EIF4G3: variants seen among roughly 807,000 people sequenced by gnomAD.
EIF4G3 encodes eukaryotic translation initiation factor 4 gamma 3.
EIF4G3 carries 34 observed loss-of-function variants against 186.4 expected under a neutral mutation model. The observed-to-expected ratio is 0.18, with a 90% CI of 0.14 to 0.24. The LOEUF (loss-of-function observed/expected upper bound fraction) is 0.24, where lower values mean the gene tolerates loss of function less well. Ranked by LOEUF, EIF4G3 falls within the 10% of genes least tolerant of loss-of-function variation. The pLI, the probability that EIF4G3 is intolerant of heterozygous loss-of-function variation, is 1.00. For synonymous variants in EIF4G3, 673 were observed against 679.5 expected, an observed-to-expected ratio of 0.99 and a Z score of 0.15; for missense variants, 1,536 against 1,948.5, an observed-to-expected ratio of 0.79 and a Z score of 3.99.
Position 20,937,055 on chromosome 1 carries a change from G to A in EIF4G3, c.1663+4436C>T, listed in dbSNP as rs989281855. Among the ~76,000 whole-genome samples the A allele has an allele frequency of 2.0e-5, 3 of 152,156 alleles. No individual in the cohort carries two copies. The East Asian group carries it at 5.8e-4, about 29-fold the overall frequency. On this transcript the variant is annotated intron_variant, in intron 14 of 36. Transcript: ENST00000602326. ...GCCAGTCTCTATAACCAATGAATTT[G>A]TATTTTTAACACCCATAAGAAAAGA...
At chr1:21,060,844 C>T (rs2094868710) in intron 3 of EIF4G3, among the ~76,000 whole-genome samples, 1 of 150,752 alleles carries the variant, frequency 6.6e-6, no homozygotes, top group Admixed American at 6.6e-5. Flanking sequence ...CTAATGGTGG[C>T]TTAGAACACG....
At chr1:21,052,925 T>C (rs1205013484) in intron 3 of EIF4G3, among the ~76,000 whole-genome samples, 23 of 152,290 alleles carry the variant, frequency 1.5e-4, no homozygotes, top group African/African-American at 5.0e-4. Flanking sequence ...TGATCTCGGC[T>C]CGCTACAACC....
At chr1:21,057,725 A>G (rs1192053259) in intron 3 of EIF4G3, among the ~76,000 whole-genome samples, 1 of 152,182 alleles carries the variant, frequency 6.6e-6, no homozygotes, top group Non-Finnish European at 1.5e-5. Context: ...AAAAACAAGC[A>G]AACTACTAAC....
intron 6 of EIF4G3, among the ~76,000 whole-genome samples, chr1:21,000,420 C>A (rs1027287485): frequency 2.0e-5 from 3 of 152,024 alleles, no homozygotes; most frequent in Non-Finnish European, 4.4e-5. Context: ...ATGGAGTAAG[C>A]TTTAGCTGCT....
intron 36 of EIF4G3, among the ~76,000 whole-genome samples, chr1:20,807,745 CTTTT>C (rs956986705): frequency 7.8e-6 from 1 of 127,450 alleles, no homozygotes; most frequent in African/African-American, 2.9e-5. Context: ...ACAATTTGAA[CTTTT>C]TTTCTGTTTT....
rs10627733 is a variant in EIF4G3, at chr1:21,141,377, T to TTGTGTGTGTGTGTGTGTGTGTG, written c.-272+34797_-272+34798insCACACACACACACACACACACA. On this transcript the variant is annotated intron_variant, in intron 2 of 36. Coordinates refer to ENST00000602326, the MANE Select transcript of EIF4G3 (RefSeq NM_001391906.1). ...TCTATTTGAGAAAAATATTTTTTCTTTGTGTGTGTGTGTGTGTGTGTATGT... is the reference window on the plus strand; with the variant it reads ...TCTATTTGAGAAAAATATTTTTTCTTTGTGTGTGTGTGTGTGTGTGTGTGTGTGTGTGTGTGTGTGTGTATGT... Among the ~76,000 whole-genome samples the TTGTGTGTGTGTGTGTGTGTGTG allele has an allele frequency of 1.1e-3, 164 of 145,232 alleles. 1 individual carries two copies. Among genetic ancestry groups the TTGTGTGTGTGTGTGTGTGTGTG allele is most frequent in the Non-Finnish European group, 1.8e-3 (118 of 66,696 alleles).
chr1:21,139,860 A>G (rs982778604), intron 2 of EIF4G3, among the ~76,000 whole-genome samples: 8 of 152,158 alleles, frequency 5.3e-5, no homozygotes, highest in African/African-American at 1.9e-4. Context: ...ACTGGTCTAT[A>G]TAATTTAAAC....
intron 2 of EIF4G3, among the ~76,000 whole-genome samples, chr1:21,104,194 G>T (rs571018188): frequency 6.6e-6 from 1 of 152,234 alleles, no homozygotes; most frequent in African/African-American, 2.4e-5. Context: ...TCATGAGCAG[G>T]AAAGTGGTAC....
intron 3 of EIF4G3, among the ~76,000 whole-genome samples, chr1:21,060,990 A>G (rs2094882607): frequency 6.6e-6 from 1 of 152,146 alleles, no homozygotes; most frequent in African/African-American, 2.4e-5. Context: ...TACATCAGTA[A>G]AAGAGACTAA....
chr1:21,056,124 T>C (rs986949053), intron 3 of EIF4G3, among the ~76,000 whole-genome samples: 3 of 152,196 alleles, frequency 2.0e-5, no homozygotes, highest in African/African-American at 7.2e-5. Flanking sequence ...TTCAGGGGTA[T>C]ATCCCTATGG....
intron 4 of EIF4G3, among the ~76,000 whole-genome samples, chr1:21,022,771 GTC>G (rs2091043776): frequency 6.6e-6 from 1 of 152,196 alleles, no homozygotes; most frequent in Admixed American, 6.5e-5. Flanking sequence ...AAAAAACCAA[GTC>G]TCTCCAGTTG....
At chr1:21,133,032 C>A (rs2097181221) in intron 2 of EIF4G3, among the ~76,000 whole-genome samples, 1 of 152,200 alleles carries the variant, frequency 6.6e-6, no homozygotes, top group Admixed American at 6.5e-5. Context: ...GATCCACCCA[C>A]CTCGGCCTCC....
At chr1:21,176,647 CTGCCGGTCTCCG>C (rs1427886138) in intron 1 of EIF4G3, 63 bp downstream of exon 1, 1 of 450,936 alleles carries the variant, frequency 2.2e-6, no homozygotes, top group Non-Finnish European at 4.0e-6. Flanking sequence ...GCACCACCGG[CTGCCGGTCTCCG>C]TGACAACGCG....
At chr1:20,812,663 T>A (rs1389840973) in intron 35 of EIF4G3, among the ~76,000 whole-genome samples, 1 of 152,196 alleles carries the variant, frequency 6.6e-6, no homozygotes, top group Admixed American at 6.5e-5. Context: ...CCTATCAATA[T>A]TAACAATTCA....
In EIF4G3 at chr1:20,932,837, C is replaced by T. The variant is rs150026317; in HGVS notation, c.1663+8654G>A. Among the ~76,000 whole-genome samples, 705 of 152,144 alleles carry T rather than the reference C, an allele frequency of 4.6e-3. 4 individuals are homozygous for T. Among genetic ancestry groups the T allele is most frequent in the African/African-American group, 0.015 (641 of 41,486 alleles). ...AAATGTGACAGAGACAGGAAGTGAG[C>T]ACATGCTGTTGGAAAATGGCATTAA... On this transcript the variant is annotated intron_variant, in intron 14 of 36. Coordinates refer to ENST00000602326, the MANE Select transcript of EIF4G3 (RefSeq NM_001391906.1).
chr1:21,038,204 A>T (rs1354194740), intron 4 of EIF4G3, among the ~76,000 whole-genome samples: 1 of 152,230 alleles, frequency 6.6e-6, no homozygotes, highest in Non-Finnish European at 1.5e-5. Flanking sequence ...TCTCAAAAGC[A>T]ACTATACTAT....
intron 11 of EIF4G3, among the ~76,000 whole-genome samples, chr1:20,970,948 G>A (rs1272191947): frequency 2.6e-5 from 4 of 152,188 alleles, no homozygotes; most frequent in Non-Finnish European, 4.4e-5. Context: ...TGGGGGAAAA[G>A]AGCGAGACTT....
chr1:20,920,994 A>G (rs1211802700), intron 14 of EIF4G3, among the ~76,000 whole-genome samples: 2 of 152,202 alleles, frequency 1.3e-5, no homozygotes, highest in Non-Finnish European at 2.9e-5. Flanking sequence ...TCATTTGAAC[A>G]GCAATAATTA....
intron 2 of EIF4G3, among the ~76,000 whole-genome samples, chr1:21,163,705 C>T (rs34782756): frequency 6.6e-6 from 1 of 152,136 alleles, no homozygotes; most frequent in Non-Finnish European, 1.5e-5. Context: ...TGGTCTTTTC[C>T]TAAATAGCAA....
Sources: allele counts gnomAD v4.1 joint callset (sites outside exome capture counted in the v4.1 genomes callset), GRCh38; gene constraint gnomAD v4.1.1; transcripts MANE v1.5; gene names NCBI Gene and HGNC (gene_info 2026-07-23, HGNC 2026-07-21).